The following TIA1 variants were observed in gnomAD, a reference collection of about 807,000 sequenced individuals.
TIA1 encodes the protein cytotoxic granule associated RNA binding protein TIA1.
TIA1 carries 23 observed loss-of-function variants against 65.9 expected under a neutral mutation model. That is an observed-to-expected ratio of 0.35 (90% confidence interval 0.25 to 0.49). The LOEUF is 0.49. TIA1 is among the 20% of genes least tolerant of loss of function. TIA1 has a pLI of 0.98. For synonymous variants in TIA1, 147 were observed against 149.4 expected (o/e 0.98, Z 0.12); for missense variants, 371 against 477.9 (o/e 0.78, Z 2.09).
chr2:70,243,652 A>G (rs779572324), intron 1 of TIA1, among the ~76,000 whole-genome samples: 13 of 152,206 alleles, frequency 8.5e-5, no homozygotes, highest in Admixed American at 2.0e-4. Flanking sequence ...ATCTTAAGGG[A>G]TATCGATCCT....
At chr2:70,223,385 C>T (rs1308434014) in intron 7 of TIA1, among the ~76,000 whole-genome samples, 1 of 151,928 alleles carries the variant, frequency 6.6e-6, no homozygotes, top group Non-Finnish European at 1.5e-5. Flanking sequence ...CATGATTGAG[C>T]TTGTATTGTT....
At position 70,227,726 on chromosome 2, in the gene TIA1, GTTAC is replaced by G. The variant is rs1359729578; in HGVS notation, c.398+5_398+8del. ...ATTAAAAGGATTTTATTTATCTTCT[GTTAC>G]TTACGATATTCTTCCAAATGGTGCA... On this transcript the variant is annotated splice_donor_5th_base_variant and intron_variant, in intron 6 of 12. Coordinates refer to ENST00000433529, the MANE Select transcript of TIA1 (RefSeq NM_022173.4). 1 of 1,551,964 alleles carries G rather than the reference GTTAC, an allele frequency of 6.4e-7. No individual in the cohort carries two copies. Among genetic ancestry groups the G allele is most frequent in the Non-Finnish European group, 8.8e-7 (1 of 1,138,410 alleles).
rs576043219 is a variant in TIA1, at chr2:70,209,907, A to G, written c.*2812T>C. On this transcript the variant is annotated 3_prime_UTR_variant, in exon 13 of 13. Coordinates refer to ENST00000433529, the MANE Select transcript of TIA1 (RefSeq NM_022173.4). ...CTGCCTTCTCAAATGGAATAGAACTATAACACACAAATAAAAGGAAGATGT... is the reference window on the plus strand; with the variant it reads ...CTGCCTTCTCAAATGGAATAGAACTGTAACACACAAATAAAAGGAAGATGT... 4.8e-5 allele frequency: 19 copies of G among 393,462 alleles called. No individual in the cohort carries two copies. Among genetic ancestry groups the G allele is most frequent in the South Asian group, 2.9e-4 (2 of 6,972 alleles). 24.4% of individuals were successfully genotyped at this position (393,462 alleles called of 1,614,324 possible). A position where few individuals can be genotyped will look rare whatever the true frequency, so the allele number is the denominator to read the frequency against.
intron 5 of TIA1, chr2:70,228,630 G>A: frequency 3.0e-6 from 3 of 985,324 alleles, no homozygotes; most frequent in Non-Finnish European, 3.6e-6. Context: ...CTTTAAAATG[G>A]ACACATACAT....
At chr2:70,228,853 G>T in intron 5 of TIA1, 3 of 1,425,862 alleles carry the variant, frequency 2.1e-6, no homozygotes, top group Non-Finnish European at 1.8e-6. Flanking sequence ...GCTACCAAAC[G>T]GGTCAGAAAG....
chr2:70,230,683 A>T, intron 3 of TIA1, 73 bp downstream of exon 3: 1 of 1,212,288 alleles, frequency 8.2e-7, no homozygotes. Context: ...TAATGTTTCT[A>T]AAAAGGAAAC....
intron 7 of TIA1, among the ~76,000 whole-genome samples, chr2:70,220,283 C>T (rs2104099351): frequency 6.6e-6 from 1 of 152,150 alleles, no homozygotes; most frequent in East Asian, 1.9e-4. Context: ...TGTTGCAACA[C>T]CTGTAGTCCC....
chr2:70,247,105 A>G (rs920345605), intron 1 of TIA1, among the ~76,000 whole-genome samples: 1 of 152,184 alleles, frequency 6.6e-6, no homozygotes, highest in African/African-American at 2.4e-5. Context: ...TGAGGCTAGT[A>G]GTTTTTTAGG....
chr2:70,237,606 T>C (rs972123460), intron 1 of TIA1, among the ~76,000 whole-genome samples: 1 of 152,158 alleles, frequency 6.6e-6, no homozygotes, highest in Admixed American at 6.6e-5. Flanking sequence ...GGCTCACACC[T>C]GTAATCCCAG....
At chr2:70,226,880 G>C (rs542717446) in intron 6 of TIA1, among the ~76,000 whole-genome samples, 1 of 152,204 alleles carries the variant, frequency 6.6e-6, no homozygotes, top group African/African-American at 2.4e-5. Context: ...ATCAAGGAAC[G>C]ATAACTCTTC....
At chr2:70,247,094 G>A (rs1305958883) in intron 1 of TIA1, among the ~76,000 whole-genome samples, 1 of 152,104 alleles carries the variant, frequency 6.6e-6, no homozygotes, top group Non-Finnish European at 1.5e-5. Context: ...CACCAACACC[G>A]TGAGGCTAGT....
At chr2:70,242,971 C>T (rs142962426) in intron 1 of TIA1, among the ~76,000 whole-genome samples, 72 of 152,226 alleles carry the variant, frequency 4.7e-4, no homozygotes, top group African/African-American at 1.4e-3. Flanking sequence ...TGGAACATTG[C>T]AATATCATTG....
Position 70,212,721 on chromosome 2 carries a change from A to G in TIA1, c.1159T>C (p.Ter387ArgextTer17). 6.3e-7 allele frequency: 1 copy of G among 1,598,890 alleles called. No homozygotes were observed. The highest frequency in any genetic ancestry group is 1.1e-5 in the South Asian group (1 of 90,734). Residue 387 changes from the stop codon to arginine, a stop_lost, in exon 13 of 13, where the codon TGA (stop) becomes CGA (arginine). Transcript: ENST00000433529. ...GCTTTAGATTCTGGAGTCCTTATTC[A>G]CTGGGTTTCATACCCTGCCACTCGA... ...GYRVAGYETQ[*>R]
intron 1 of TIA1, among the ~76,000 whole-genome samples, chr2:70,236,755 T>C (rs1019900773): frequency 2.6e-5 from 4 of 152,176 alleles, no homozygotes; most frequent in African/African-American, 9.7e-5. Context: ...GCCTCCCAAG[T>C]AGCTGGGACC....
chr2:70,233,395 A>G (rs1301823657), intron 2 of TIA1, among the ~76,000 whole-genome samples: 2 of 152,258 alleles, frequency 1.3e-5, no homozygotes, highest in African/African-American at 4.8e-5. Flanking sequence ...AAAATGTTAT[A>G]TAACTCAAAC....
At chr2:70,233,912 T>C (rs533400974) in intron 2 of TIA1, among the ~76,000 whole-genome samples, 1 of 152,282 alleles carries the variant, frequency 6.6e-6, no homozygotes, top group African/African-American at 2.4e-5. Context: ...AGCATAAAAT[T>C]TATAAATGTG....
intron 11 of TIA1, chr2:70,215,086 G>A (rs1678007860): frequency 3.1e-6 from 1 of 325,758 alleles, no homozygotes; most frequent in Admixed American, 4.9e-5. Flanking sequence ...CAAATGGTAT[G>A]TGAATAAATC....
chr2:70,248,564 G>A lies in TIA1; in HGVS notation c.-134C>T, dbSNP rs1294495035. 4 of 1,378,266 alleles carry A rather than the reference G, an allele frequency of 2.9e-6. No individual in the cohort carries two copies. The highest frequency in any genetic ancestry group is 1.8e-4 in the Middle Eastern group (1 of 5,682). The allele number at this position is 1,378,266 out of a possible 1,614,324, so 85.4% of individuals were successfully genotyped here. ...CAGAGGTTACTCCGCCTCCTCCTCC[G>A]GCGGCAATTACACTAAACCGCCCGG... On this transcript the variant is annotated 5_prime_UTR_variant, in exon 1 of 13. Transcript: ENST00000433529.
intron 1 of TIA1, among the ~76,000 whole-genome samples, chr2:70,241,566 G>A (rs113633893): frequency 0.012 from 1,757 of 152,146 alleles, 38 homozygotes; most frequent in African/African-American, 0.04. Context: ...AGCTAGCCTC[G>A]GTGACTTACT....
Sources: gnomAD v4.1 joint callset for allele counts (sites outside exome capture counted in the v4.1 genomes callset) on GRCh38, gnomAD v4.1.1 for gene constraint, MANE v1.5 for transcripts, NCBI Gene and HGNC (gene_info 2026-07-23, HGNC 2026-07-21) for gene names.